HDAC8: variants seen among roughly 807,000 people sequenced by gnomAD.
HDAC8 encodes histone deacetylase 8.
HDAC8 carries 1 observed loss-of-function variant against 32.2 expected under a neutral mutation model. The ratio of observed to expected loss-of-function variants is 0.03; its 90% CI spans 0.01 to 0.15. The LOEUF (loss-of-function observed/expected upper bound fraction) is 0.15. Among genes scored for constraint, HDAC8 ranks in the 10% least tolerant of loss-of-function variants. The probability of loss-of-function intolerance (pLI) is 1.00; values close to 1 mark genes in which losing one functional copy is unlikely to be tolerated. For missense variants in HDAC8, 117 were observed against 300.0 expected (o/e 0.39, Z 4.51); for synonymous variants, 108 against 113.9 (o/e 0.95, Z 0.33).
intron 9 of HDAC8, among the ~76,000 whole-genome samples, chrX:72,406,131 G>A (rs1388108374): frequency 9.0e-6 from 1 of 111,593 alleles, no homozygotes; most frequent in East Asian, 2.8e-4. Context: ...AACCCTCTGT[G>A]GGATTTCCAT....
At chrX:72,452,176 C>T (rs1364688361) in intron 9 of HDAC8, among the ~76,000 whole-genome samples, 3 of 112,666 alleles carry the variant, frequency 2.7e-5, no homozygotes, top group Non-Finnish European at 5.6e-5. Flanking sequence ...CAATTCCTGG[C>T]TGGGTGCCGT....
At chrX:72,470,306 C>T (rs1224108927) in intron 7 of HDAC8, among the ~76,000 whole-genome samples, 1 of 111,461 alleles carries the variant, frequency 9.0e-6, no homozygotes, top group African/African-American at 3.3e-5. Context: ...TGTTGTGTAT[C>T]TTTCTAGATC....
intron 9 of HDAC8, among the ~76,000 whole-genome samples, chrX:72,426,348 C>T (rs2046638670): frequency 8.9e-6 from 1 of 111,874 alleles, no homozygotes; most frequent in Non-Finnish European, 1.9e-5. Context: ...CATCCAGCAT[C>T]CTTACACAAA....
intron 4 of HDAC8, among the ~76,000 whole-genome samples, chrX:72,560,170 C>G (rs1328958769): frequency 9.0e-6 from 1 of 111,202 alleles, no homozygotes; most frequent in Non-Finnish European, 1.9e-5. Context: ...TTGCTGTGTC[C>G]GTGTAGAGGG....
At chrX:72,342,037 A>G (rs1242782998) in intron 10 of HDAC8, among the ~76,000 whole-genome samples, 1 of 112,050 alleles carries the variant, frequency 8.9e-6, no homozygotes, top group Admixed American at 9.5e-5. Context: ...GCCCGTCTCT[A>G]GGCACTTCAG....
intron 9 of HDAC8, among the ~76,000 whole-genome samples, chrX:72,370,008 A>C (rs1338551815): frequency 8.9e-6 from 1 of 112,105 alleles, no homozygotes; most frequent in African/African-American, 3.2e-5. Context: ...TCCCCACTCC[A>C]CCGCAAGGTG....
At chrX:72,507,359 A>T (rs181816565) in intron 4 of HDAC8, among the ~76,000 whole-genome samples, 21 of 111,884 alleles carry the variant, frequency 1.9e-4, no homozygotes, top group African/African-American at 6.8e-4. Context: ...GCTCAATTAT[A>T]AATGATATTT....
intron 8 of HDAC8, among the ~76,000 whole-genome samples, chrX:72,464,000 C>T (rs1205989832): frequency 9.0e-6 from 1 of 111,726 alleles, no homozygotes; most frequent in Non-Finnish European, 1.9e-5. Flanking sequence ...TTTCTTTTGG[C>T]TAAGTAATAC....
At chrX:72,379,846 T>A (rs1369096523) in intron 9 of HDAC8, among the ~76,000 whole-genome samples, 1 of 110,670 alleles carries the variant, frequency 9.0e-6, no homozygotes, top group Non-Finnish European at 1.9e-5. Context: ...TCTGGATTCT[T>A]TGTCACGTGG....
At chrX:72,537,440 T>A (rs782293907) in intron 4 of HDAC8, among the ~76,000 whole-genome samples, 38 of 112,524 alleles carry the variant, frequency 3.4e-4, no homozygotes, top group Non-Finnish European at 6.6e-4. Context: ...TTTCCTGCAA[T>A]TAGTATGCAT....
At chrX:72,442,067 C>T (rs1555982168) in intron 9 of HDAC8, among the ~76,000 whole-genome samples, 3 of 110,834 alleles carry the variant, frequency 2.7e-5, no homozygotes, top group African/African-American at 9.9e-5. Context: ...GATTGGTGTA[C>T]CTGAAAGTGA....
At chrX:72,338,686 A>T (rs371620437) in intron 10 of HDAC8, among the ~76,000 whole-genome samples, 2 of 92,273 alleles carry the variant, frequency 2.2e-5, no homozygotes, top group African/African-American at 7.8e-5. Context: ...TATATATACA[A>T]ATATATATAT....
chrX:72,391,524 T>G (rs1230727709), intron 9 of HDAC8, among the ~76,000 whole-genome samples: 2 of 112,476 alleles, frequency 1.8e-5, no homozygotes, highest in Non-Finnish European at 3.8e-5. Context: ...AGCTTTCAAA[T>G]GTATCAGGCC....
At chrX:72,472,313 C>T (rs782781000) in intron 7 of HDAC8, among the ~76,000 whole-genome samples, 55 of 110,746 alleles carry the variant, frequency 5.0e-4, no homozygotes, top group Middle Eastern at 4.7e-3. Flanking sequence ...GTGATCCGCC[C>T]GCCTCGGCCT....
chrX:72,354,774 A>T (rs1432704923), intron 9 of HDAC8, among the ~76,000 whole-genome samples: 5 of 112,233 alleles, frequency 4.5e-5, no homozygotes, highest in Non-Finnish European at 9.4e-5. Context: ...TGTACCTGTC[A>T]TCAGGTAAGC....
At chrX:72,420,028 T>C (rs1435672105) in intron 9 of HDAC8, among the ~76,000 whole-genome samples, 3 of 111,980 alleles carry the variant, frequency 2.7e-5, no homozygotes, top group African/African-American at 9.7e-5. Context: ...GAAAGATTTT[T>C]GTGTCTATAT....
intron 7 of HDAC8, chrX:72,467,837 T>C: frequency 1.5e-6 from 1 of 671,237 alleles, no homozygotes; most frequent in East Asian, 4.1e-5. Flanking sequence ...TATGGTAGAA[T>C]TGATCGGGTA....
intron 9 of HDAC8, among the ~76,000 whole-genome samples, chrX:72,354,863 A>G (rs2045990034): frequency 8.9e-6 from 1 of 111,744 alleles, no homozygotes; most frequent in Admixed American, 9.5e-5. Context: ...CCAATGAGAT[A>G]ATATCTATAA....
At chrX:72,420,428 T>C (rs1471347670) in intron 9 of HDAC8, among the ~76,000 whole-genome samples, 4 of 112,325 alleles carry the variant, frequency 3.6e-5, no homozygotes, top group African/African-American at 9.7e-5. Flanking sequence ...AATTTTTATC[T>C]CTGTAAGGTT....
Sources: allele counts gnomAD v4.1 joint callset (sites outside exome capture counted in the v4.1 genomes callset), GRCh38; gene constraint gnomAD v4.1.1; transcripts MANE v1.5; gene names NCBI Gene and HGNC (gene_info 2026-07-23, HGNC 2026-07-21).